The following ADAMTS2 variants were observed in gnomAD, a reference collection of about 807,000 sequenced individuals.
ADAMTS2 encodes the protein ADAM metallopeptidase with thrombospondin type 1 motif 2.
In ADAMTS2, 50 loss-of-function variants were observed where a neutral mutation model predicts 123.0. The observed-to-expected ratio is 0.41, with a 90% CI of 0.32 to 0.51. ADAMTS2 has a LOEUF of 0.51. Among genes scored for constraint, ADAMTS2 ranks in the 20% least tolerant of loss-of-function variants. The pLI, the probability that ADAMTS2 is intolerant of heterozygous loss-of-function variation, is 0.35. For missense variants in ADAMTS2, 1,494 were observed against 1,705.2 expected, an observed-to-expected ratio of 0.88 and a Z score of 2.18; for synonymous variants, 678 against 695.4, an observed-to-expected ratio of 0.98 and a Z score of 0.39.
In ADAMTS2 at chr5:179,262,753, T is replaced by C. The variant is rs1766265160; in HGVS notation, c.688+10158A>G. Among the ~76,000 whole-genome samples, 1 of 152,240 alleles carries C rather than the reference T, an allele frequency of 6.6e-6. No homozygotes were observed. The highest frequency in any genetic ancestry group is 6.5e-5 in the Admixed American group (1 of 15,284). ...TTACTTTGTTCACAGGATTCTCCAC[T>C]GTCTGCGAGCATCTGCTCACCAGGT... On this transcript the variant is annotated intron_variant, in intron 3 of 21. Coordinates refer to ENST00000251582, the MANE Select transcript of ADAMTS2 (RefSeq NM_014244.5). This position sits in a 1 kb window ranked among gnomAD's most constrained non-coding sequence, Gnocchi z 5.9.
chr5:179,304,151 A>C (rs1311795459), intron 2 of ADAMTS2, among the ~76,000 whole-genome samples: 1 of 152,204 alleles, frequency 6.6e-6, no homozygotes, highest in Non-Finnish European at 1.5e-5. Context: ...ATTGAACCGC[A>C]ATCCACAGGC....
intron 3 of ADAMTS2, among the ~76,000 whole-genome samples, chr5:179,266,366 C>T (rs928665302): frequency 1.3e-5 from 2 of 152,196 alleles, no homozygotes; most frequent in African/African-American, 4.8e-5. Context: ...AATGTTATCA[C>T]AAGTGTCCTT....
At chr5:179,207,450 G>A in intron 4 of ADAMTS2, 63 bp downstream of exon 4, 1 of 1,557,852 alleles carries the variant, frequency 6.4e-7, no homozygotes, top group South Asian at 1.1e-5. Context: ...GGGCCTCTCT[G>A]GCCTGCCCAG....
chr5:179,141,915 T>G (rs931964290), intron 10 of ADAMTS2, among the ~76,000 whole-genome samples: 7 of 151,862 alleles, frequency 4.6e-5, no homozygotes, highest in African/African-American at 1.7e-4. Flanking sequence ...CTCCCCAGAT[T>G]GCTTATAGGG....
chr5:179,334,098 G>A (rs1314018941), intron 2 of ADAMTS2, among the ~76,000 whole-genome samples: 1 of 152,202 alleles, frequency 6.6e-6, no homozygotes. Flanking sequence ...GAGGGAGGGA[G>A]ACGCCACTGG....
intron 3 of ADAMTS2, among the ~76,000 whole-genome samples, chr5:179,254,383 G>A (rs1380374012): frequency 5.3e-5 from 8 of 152,174 alleles, no homozygotes; most frequent in Admixed American, 3.9e-4. Flanking sequence ...TATGAGCTGG[G>A]AAGGGGAATG....
rs987240943 is a variant in ADAMTS2 at position 179,155,242 on chromosome 5, C to A, written c.1133-323G>T. On this transcript the variant is annotated intron_variant, in intron 6 of 21. Transcript: ENST00000251582. This position sits in a 1 kb window ranked among gnomAD's most constrained non-coding sequence, Gnocchi z 5.1. ...GTCTGACACCTGACTTTCCTGCCTG[C>A]CGTTCTCTTTCACGCCACCTGCCTC... 2.0e-5 allele frequency among the ~76,000 whole-genome samples: 3 copies of A among 152,228 alleles called. No individual in the cohort carries two copies. The highest frequency in any genetic ancestry group is 7.2e-5 in the African/African-American group (3 of 41,458).
At chr5:179,177,328 T>C (rs1310698022) in intron 5 of ADAMTS2, among the ~76,000 whole-genome samples, 1 of 152,232 alleles carries the variant, frequency 6.6e-6, no homozygotes, top group Non-Finnish European at 1.5e-5. Flanking sequence ...TGCCTTGGGA[T>C]TTTTACTTCT....
rs147604963 is a variant in ADAMTS2 at position 179,321,730 on chromosome 5, T to C, written c.534+22037A>G. 1.9e-4 allele frequency among the ~76,000 whole-genome samples: 28 copies of C among 148,434 alleles called. 1 individual carries two copies. In the East Asian group the frequency reaches 5.6e-3, roughly 30 times the overall value. ...TTGCCCCTGCACCTAGGACCTGCAT[T>C]TCCAGCTGCCAGACTCCTTCCAAGA... On this transcript the variant is annotated intron_variant, in intron 2 of 21. Transcript: ENST00000251582.
chr5:179,171,361 C>T (rs978788266), intron 5 of ADAMTS2, among the ~76,000 whole-genome samples: 2 of 152,204 alleles, frequency 1.3e-5, no homozygotes, highest in African/African-American at 4.8e-5. Flanking sequence ...ATGACCAGAA[C>T]CCATTTTCCT....
chr5:179,206,825 G>C (rs1764709150), intron 4 of ADAMTS2, among the ~76,000 whole-genome samples: 1 of 152,228 alleles, frequency 6.6e-6, no homozygotes, highest in Non-Finnish European at 1.5e-5. Flanking sequence ...TATGGAATGA[G>C]GGGGAGGTGG....
chr5:179,311,075 C>T (rs58179760), intron 2 of ADAMTS2, among the ~76,000 whole-genome samples: 2,184 of 147,606 alleles, frequency 0.015, 56 homozygotes, highest in African/African-American at 0.049. Flanking sequence ...CCCGTTGACT[C>T]CTATCTCAAC....
intron 2 of ADAMTS2, among the ~76,000 whole-genome samples, chr5:179,313,456 G>GCACA (rs768751309): frequency 0.011 from 6 of 568 alleles, 1 homozygote; most frequent in Admixed American, 0.071. Context: ...TCACACTCAT[G>GCACA]CACACACTCA....
At chr5:179,322,860 T>C (rs911822205) in intron 2 of ADAMTS2, among the ~76,000 whole-genome samples, 3 of 152,176 alleles carry the variant, frequency 2.0e-5, no homozygotes, top group African/African-American at 7.2e-5. Context: ...GCCAGACCCC[T>C]AACTGCAGGT....
At chr5:179,219,626 G>A (rs1040961122) in intron 3 of ADAMTS2, among the ~76,000 whole-genome samples, 9 of 152,206 alleles carry the variant, frequency 5.9e-5, no homozygotes, top group Non-Finnish European at 1.3e-4. Context: ...CAGCAGAGGT[G>A]TGAGGCTGCT....
intron 4 of ADAMTS2, 78 bp downstream of exon 4, chr5:179,207,435 C>T: frequency 6.7e-7 from 1 of 1,490,510 alleles, no homozygotes; most frequent in Non-Finnish European, 9.3e-7. Flanking sequence ...GGACCTGGCC[C>T]AGCTGGGCCT....
In ADAMTS2 at chr5:179,128,362, T is replaced by G. The variant is rs1249412241; in HGVS notation, c.2458-244A>C. Among the ~76,000 whole-genome samples, 1 of 152,116 alleles carries G rather than the reference T, an allele frequency of 6.6e-6. No individual in the cohort carries two copies. The highest frequency in any genetic ancestry group is 2.1e-4 in the South Asian group (1 of 4,822). ...GTTACCCGATCAATATATAACCTTG[T>G]TTTATGTGTGAGTCTGTTTATTTTT... is the stretch of plus-strand genomic sequence containing the variant. On this transcript the variant is annotated intron_variant, in intron 16 of 21. Transcript: ENST00000251582. The surrounding 1 kb of genome is among the most constrained non-coding windows in gnomAD (Gnocchi z 4.9).
chr5:179,157,392 A>AGTTTGAGGGGAGTG (rs1763494079), intron 6 of ADAMTS2, among the ~76,000 whole-genome samples: 1 of 152,226 alleles, frequency 6.6e-6, no homozygotes, highest in Non-Finnish European at 1.5e-5. Context: ...TGGTCAGGGC[A>AGTTTGAGGGGAGTG]ACACCTGGCT....
intron 3 of ADAMTS2, among the ~76,000 whole-genome samples, chr5:179,238,352 A>C (rs1765580049): frequency 6.6e-6 from 1 of 152,078 alleles, no homozygotes; most frequent in African/African-American, 2.4e-5. Flanking sequence ...AGACCGTGGG[A>C]GTCACCGCAG....
Sources: gnomAD v4.1 joint callset for allele counts (sites outside exome capture counted in the v4.1 genomes callset) on GRCh38, gnomAD v4.1.1 for gene constraint, Gnocchi (gnomAD v3.1) non-coding constraint, MANE v1.5 for transcripts, NCBI Gene and HGNC (gene_info 2026-07-23, HGNC 2026-07-21) for gene names.